CTIF: variants seen among roughly 807,000 people sequenced by gnomAD.
CTIF encodes the protein CBP80/20-dependent translation initiation factor.
Under a neutral mutation model 66.0 loss-of-function variants are expected in CTIF, and 21 were observed. The observed-to-expected ratio is 0.32, with a 90% CI of 0.23 to 0.46. The LOEUF is 0.46. Among genes scored for constraint, CTIF ranks in the 20% least tolerant of loss-of-function variants. CTIF has a pLI of 1.00. For synonymous variants in CTIF, 345 were observed against 326.4 expected, an observed-to-expected ratio of 1.06 and a Z score of -0.62; for missense variants, 739 against 812.7, an observed-to-expected ratio of 0.91 and a Z score of 1.10.
At chr18:48,762,359 C>T (rs138215331) in intron 9 of CTIF, among the ~76,000 whole-genome samples, 120 of 152,298 alleles carry the variant, frequency 7.9e-4, no homozygotes, top group Non-Finnish European at 1.4e-3. Flanking sequence ...GGAGTAGGCG[C>T]GTGCACTTGG....
intron 9 of CTIF, among the ~76,000 whole-genome samples, chr18:48,778,217 T>A (rs761941601): frequency 6.6e-6 from 1 of 151,934 alleles, no homozygotes; most frequent in Non-Finnish European, 1.5e-5. Flanking sequence ...CTCAGCCATC[T>A]TCTAAGGAGC....
intron 6 of CTIF, among the ~76,000 whole-genome samples, chr18:48,695,902 C>T (rs1483655936): frequency 6.6e-6 from 1 of 152,234 alleles, no homozygotes; most frequent in African/African-American, 2.4e-5. Flanking sequence ...CATTGTTGGG[C>T]TGTCTCCTCC....
At chr18:48,704,878 G>T (rs1434809309) in intron 6 of CTIF, among the ~76,000 whole-genome samples, 1 of 152,200 alleles carries the variant, frequency 6.6e-6, no homozygotes, top group African/African-American at 2.4e-5. Flanking sequence ...CCCTTGGTTG[G>T]GGAAGGAGGA....
intron 1 of CTIF, among the ~76,000 whole-genome samples, chr18:48,563,051 C>T (rs1469898191): frequency 6.6e-6 from 1 of 152,212 alleles, no homozygotes; most frequent in East Asian, 1.9e-4. Context: ...GCCTGGGGGG[C>T]ATTTAGGAGC....
chr18:48,725,942 G>C (rs139655852), intron 7 of CTIF, among the ~76,000 whole-genome samples: 38 of 152,206 alleles, frequency 2.5e-4, no homozygotes, highest in African/African-American at 8.4e-4. Flanking sequence ...ATGTGTAGGT[G>C]GTCCTTTGAG....
chr18:48,682,057 A>T (rs1005011496), intron 6 of CTIF, among the ~76,000 whole-genome samples: 1 of 151,728 alleles, frequency 6.6e-6, no homozygotes, highest in African/African-American at 2.4e-5. Context: ...AAGTGCTGGG[A>T]TTACAGGTGT....
intron 1 of CTIF, among the ~76,000 whole-genome samples, chr18:48,578,729 C>T (rs1018964152): frequency 6.6e-6 from 1 of 152,142 alleles, no homozygotes; most frequent in Non-Finnish European, 1.5e-5. Context: ...AAGAGTTCTT[C>T]GTATACTCTA....
At chr18:48,551,888 C>T (rs898693335) in intron 1 of CTIF, among the ~76,000 whole-genome samples, 6 of 152,060 alleles carry the variant, frequency 3.9e-5, no homozygotes, top group African/African-American at 1.4e-4. Flanking sequence ...AGCTCCGCCT[C>T]CTGGGTTCAC....
intron 6 of CTIF, among the ~76,000 whole-genome samples, chr18:48,671,109 G>A (rs1282755940): frequency 6.6e-6 from 1 of 152,200 alleles, no homozygotes; most frequent in African/African-American, 2.4e-5. Flanking sequence ...TGGCAGGCCT[G>A]GAAGAGATTC....
At chr18:48,767,292 G>A (rs189081975) in intron 9 of CTIF, among the ~76,000 whole-genome samples, 49 of 152,166 alleles carry the variant, frequency 3.2e-4, no homozygotes, top group African/African-American at 1.1e-3. Flanking sequence ...AGTGAAGAAC[G>A]AGTGTGCCTC....
At chr18:48,628,276 C>T (rs901374162) in intron 2 of CTIF, among the ~76,000 whole-genome samples, 6 of 152,110 alleles carry the variant, frequency 3.9e-5, no homozygotes, top group African/African-American at 1.4e-4. Flanking sequence ...GTTCGATGCA[C>T]ATTGGTGGTG....
chr18:48,751,619 T>G (rs1907823208), intron 7 of CTIF, among the ~76,000 whole-genome samples: 1 of 152,176 alleles, frequency 6.6e-6, no homozygotes, highest in Non-Finnish European at 1.5e-5. Context: ...GTGGGTGTGA[T>G]GTAGGGCATT....
At chr18:48,636,312 C>T (rs1404891964) in intron 2 of CTIF, among the ~76,000 whole-genome samples, 1 of 152,216 alleles carries the variant, frequency 6.6e-6, no homozygotes, top group African/African-American at 2.4e-5. Context: ...GTACCAAACT[C>T]AGAATAAGTT....
chr18:48,670,833 T>C, intron 6 of CTIF, 89 bp downstream of exon 6: 1 of 1,105,604 alleles, frequency 9.0e-7, no homozygotes, highest in Non-Finnish European at 1.4e-6. Flanking sequence ...AAAGCACTCC[T>C]TCTGGCTGCT....
At chr18:48,585,297 C>T (rs2089742999) in intron 1 of CTIF, among the ~76,000 whole-genome samples, 1 of 152,240 alleles carries the variant, frequency 6.6e-6, no homozygotes, top group Non-Finnish European at 1.5e-5. Flanking sequence ...GAATGTAAAA[C>T]TCATTTGGAT....
chr18:48,693,664 G>A (rs1007939171), intron 6 of CTIF, among the ~76,000 whole-genome samples: 18 of 152,188 alleles, frequency 1.2e-4, no homozygotes, highest in Admixed American at 1.1e-3. Flanking sequence ...GGCCCAGAGA[G>A]GGAAGACACT....
intron 1 of CTIF, chr18:48,568,429 G>A (rs2089325402): frequency 6.6e-6 from 1 of 151,982 alleles, no homozygotes; most frequent in Non-Finnish European, 1.5e-5. Flanking sequence ...TAGTTGGTGA[G>A]ACAGGGCCCT....
intron 7 of CTIF, chr18:48,755,591 G>C (rs1908271692): frequency 6.6e-6 from 1 of 152,260 alleles, no homozygotes; most frequent in Non-Finnish European, 1.5e-5. Context: ...TTTCAGCAAT[G>C]CCAGTGAGGA....
chr18:48,728,393 T>C (rs1199709698), intron 7 of CTIF, among the ~76,000 whole-genome samples: 1 of 152,226 alleles, frequency 6.6e-6, no homozygotes, highest in East Asian at 1.9e-4. Flanking sequence ...GTATTAGTTA[T>C]CTCTTGCTGT....
Sources: allele counts gnomAD v4.1 joint callset (sites outside exome capture counted in the v4.1 genomes callset), GRCh38; gene constraint gnomAD v4.1.1; transcripts MANE v1.5; gene names NCBI Gene and HGNC (gene_info 2026-07-23, HGNC 2026-07-21).